Variants in MACF1 observed in about 807,000 individuals in gnomAD.
MACF1 encodes microtubule-actin cross-linking factor 1.
Under a neutral mutation model 854.8 loss-of-function variants are expected in MACF1, and 193 were observed. That is an observed-to-expected ratio of 0.23 (90% CI 0.20 to 0.25). The LOEUF (loss-of-function observed/expected upper bound fraction) is 0.25, where lower values mean the gene tolerates loss of function less well. Ranked by LOEUF, MACF1 falls within the 10% of genes least tolerant of loss-of-function variation. The pLI is 1.00. For missense variants in MACF1, 7,722 were observed against 8,929.1 expected, an observed-to-expected ratio of 0.86 and a Z score of 5.45; for synonymous variants, 3,185 against 3,226.7, an observed-to-expected ratio of 0.99 and a Z score of 0.44.
chr1:39,336,827 T>C (rs1168896848), intron 37 of MACF1, among the ~76,000 whole-genome samples, 174 bp downstream of exon 37: 1 of 152,174 alleles, frequency 6.6e-6, no homozygotes, highest in Non-Finnish European at 1.5e-5. Context: ...TGTAGCAAAG[T>C]TGTTGGAAAA....
intron 2 of MACF1, among the ~76,000 whole-genome samples, chr1:39,095,130 T>G (rs1641904614): frequency 6.6e-6 from 1 of 151,930 alleles, no homozygotes. Context: ...GCAAAAAGGG[T>G]ATGTCTAACA....
In MACF1 at chr1:39,225,365, C is replaced by T. The variant is rs568191097; in HGVS notation, c.110-5817C>T. 5.4e-3 allele frequency among the ~76,000 whole-genome samples: 807 copies of T among 150,688 alleles called. 12 individuals carry two copies. Among genetic ancestry groups the T allele is most frequent in the Non-Finnish European group, 5.5e-3 (369 of 67,660 alleles). On this transcript the variant is annotated intron_variant, in intron 1 of 100. Coordinates refer to ENST00000564288, the MANE Select transcript of MACF1 (RefSeq NM_001394062.1). The stretch of plus-strand genomic sequence containing the variant: ...CCGAGTAGCTGGGACTACAGGCGCC[C>T]GCCACCGCGCCCGGCTAATTTTTTG...
chr1:39,485,540 C>T lies in MACF1; in HGVS notation c.22414C>T (p.Pro7472Ser), dbSNP rs1169728080. The T allele has an allele frequency of 3.1e-6, 5 of 1,611,390 alleles. No homozygotes were observed. The highest frequency in any genetic ancestry group is 1.1e-5 in the South Asian group (1 of 90,980). The change falls in exon 101 of 101, where the codon CCT becomes TCT. Residue 7472 changes from proline (P) to serine (S), a missense_variant and splice_region_variant. Physicochemically the swap from Pro to Ser is moderately conservative, Grantham distance 74 (BLOSUM62 -1). Coordinates refer to ENST00000564288, the MANE Select transcript of MACF1 (RefSeq NM_001394062.1). ...GCTGTTTTATTCTTGAATTCCAGAC[C>T]CTAAAAAGTCTGCCAGTCGCCCTGG... ...STGAKTNRAD[P>S]KKSASRPGSR...
chr1:39,423,967 T>A lies in MACF1; in HGVS notation c.16150-61T>A, dbSNP rs1570021342. The A allele has an allele frequency of 2.8e-6, 4 of 1,414,614 alleles. No individual in the cohort carries two copies. In the East Asian group the frequency reaches 7.0e-5, roughly 25 times the overall value. The allele number at this position is 1,414,614 out of a possible 1,614,324, so 87.6% of individuals were successfully genotyped here. ...GTTGGTTTCTTTTGTTTTTTTTCTT[T>A]CTTCCTAGTTCAGATTTCAAAATGA... On this transcript the variant is annotated intron_variant, in intron 60 of 100. Coordinates refer to ENST00000564288, the MANE Select transcript of MACF1 (RefSeq NM_001394062.1).
rs763920848 is a variant in MACF1 at position 39,333,645 on chromosome 1, G to T, written c.7057G>T (p.Gly2353Cys). The T allele has an allele frequency of 6.2e-7, 1 of 1,614,144 alleles. No individual in the cohort carries two copies. The highest frequency in any genetic ancestry group is 8.5e-7 in the Non-Finnish European group (1 of 1,180,024). The change falls in exon 37 of 101, where the codon GGT becomes TGT. Residue 2353 changes from glycine (G) to cysteine (C), a missense_variant. This residue lies in a region of MACF1 where 1,531 missense variants were observed against 1,601.6 expected (regional missense o/e 0.96). Transcript: ENST00000564288. ...SLTTEEVINE[G>C]LMDEKLLHNV... ...GACAACTGAAGAAGTCATTAATGAA[G>T]GTCTGATGGATGAGAAATTATTACA...
intron 97 of MACF1, among the ~76,000 whole-genome samples, chr1:39,478,788 GA>G (rs1316534072): frequency 6.6e-6 from 1 of 152,156 alleles, no homozygotes; most frequent in African/African-American, 2.4e-5. Flanking sequence ...TTATAGAAAA[GA>G]ATGACAAATA....
chr1:39,181,748 C>A (rs1042778695), intron 2 of MACF1, among the ~76,000 whole-genome samples: 1 of 152,112 alleles, frequency 6.6e-6, no homozygotes, highest in African/African-American at 2.4e-5. Context: ...TAAAAATAAA[C>A]CCTTACATTT....
rs752856996 is a variant in MACF1 at position 39,442,485 on chromosome 1, C to T, written c.19022C>T (p.Thr6341Ile). 8.1e-6 allele frequency: 13 copies of T among 1,614,084 alleles called. No homozygotes were observed. The South Asian group carries it at 1.4e-4, about 18-fold the overall frequency. Residue 6341 changes from threonine (T) to isoleucine (I), a missense_variant, in exon 77 of 101, where the codon ACT (threonine) becomes ATT (isoleucine). Physicochemically the swap from Thr to Ile is moderately conservative, Grantham distance 89. This residue lies in a region of MACF1 where 2,807 missense variants were observed against 3,235.8 expected (regional missense o/e 0.87). Coordinates refer to ENST00000564288, the MANE Select transcript of MACF1 (RefSeq NM_001394062.1). Reference sequence around the variant, plus strand: ...TTAGAGGAACTAATGAGTTGGCTGACTCATACCGAAGAGTTGTTAGATGCT... The same window carrying T: ...TTAGAGGAACTAATGAGTTGGCTGATTCATACCGAAGAGTTGTTAGATGCT... ...HALEELMSWL[T>I]HTEELLDAQR...
chr1:39,323,020 TG>T lies in MACF1; in HGVS notation c.4236+15del, dbSNP rs1309820368. ...TGGAGGAGGAGGAGGTGAGGACAGT[TG>T]GGTCCAAAGTCATCTTGAAAGTACA... On this transcript the variant is annotated intron_variant, in intron 33 of 100. Coordinates refer to ENST00000564288, the MANE Select transcript of MACF1 (RefSeq NM_001394062.1). 1.9e-6 allele frequency: 3 copies of T among 1,612,730 alleles called. No individual in the cohort carries two copies. The Admixed American group carries it at 5.0e-5, about 27-fold the overall frequency.
rs1216298628 is a variant in MACF1 at position 39,336,580 on chromosome 1, A to C, written c.9992A>C (p.Gln3331Pro). 3 of 1,614,194 alleles carry C rather than the reference A, an allele frequency of 1.9e-6. No homozygotes were observed. In the Admixed American group the frequency reaches 5.0e-5, roughly 27 times the overall value. ...EKLRESPGSEQTPFMTAPEGK... is the reference protein window; with the variant it reads ...EKLRESPGSEPTPFMTAPEGK... ...CTCAGAGAAAGCCCTGGCAGTGAAC[A>C]AACTCCCTTCATGACTGCACCTGAA... Residue 3331 changes from glutamine (Q) to proline (P), a missense_variant, in exon 37 of 101, where the codon CAA becomes CCA. By Grantham distance (76) the Gln-to-Pro change is moderately conservative (BLOSUM62 -1). Around this residue, in one of 15 missense-constraint regions of MACF1, gnomAD observed 854 missense variants for 852.6 expected, o/e 1.00. Transcript: ENST00000564288.
intron 58 of MACF1, among the ~76,000 whole-genome samples, chr1:39,395,108 A>G (rs965266853): frequency 6.6e-6 from 1 of 151,382 alleles, no homozygotes; most frequent in Non-Finnish European, 1.5e-5. Context: ...TCACGCCACC[A>G]CCTCTGCCTG....
Position 39,337,225 on chromosome 1 carries a change from T to C in MACF1, c.10109T>C (p.Leu3370Pro). 1 of 1,614,050 alleles carries C rather than the reference T, an allele frequency of 6.2e-7. No individual in the cohort carries two copies. Among genetic ancestry groups the C allele is most frequent in the Non-Finnish European group, 8.5e-7 (1 of 1,179,974 alleles). Reference protein sequence around the residue: ...RQLCLEHDEKLVSYLSLLRNI... With the variant: ...RQLCLEHDEKPVSYLSLLRNI... ...CTCTGTTTAGAACATGATGAAAAGCTAGTATCCTATCTGTCTCTGTTACGG... is the reference window on the plus strand; with the variant it reads ...CTCTGTTTAGAACATGATGAAAAGCCAGTATCCTATCTGTCTCTGTTACGG... The change falls in exon 38 of 101, where the codon CTA becomes CCA. Residue 3370 changes from leucine to proline, a missense_variant. Leu to Pro is a moderately conservative substitution (Grantham distance 98, BLOSUM62 -3). Around this residue, in one of 15 missense-constraint regions of MACF1, gnomAD observed 854 missense variants for 852.6 expected, o/e 1.00. Coordinates refer to ENST00000564288, the MANE Select transcript of MACF1 (RefSeq NM_001394062.1).
chr1:39,374,449 A>C (rs1344545346), intron 52 of MACF1, among the ~76,000 whole-genome samples: 1 of 152,196 alleles, frequency 6.6e-6, no homozygotes, highest in Non-Finnish European at 1.5e-5. Flanking sequence ...ACTATCCACA[A>C]GTGACATTTC....
chr1:39,335,017 A>G lies in MACF1; in HGVS notation c.8429A>G (p.Glu2810Gly). The G allele has an allele frequency of 6.2e-7, 1 of 1,614,076 alleles. No homozygotes were observed. The highest frequency in any genetic ancestry group is 8.5e-7 in the Non-Finnish European group (1 of 1,179,970). ...GAAATGAGTTGTAATAAAGTAGAAG[A>G]GAGTGAGAGATTATTTCAAGTTGAA... Reference protein sequence around the residue: ...TAEMSCNKVEESERLFQVENQ... With the variant: ...TAEMSCNKVEGSERLFQVENQ... Residue 2810 changes from glutamate to glycine, a missense_variant, in exon 37 of 101, where the codon GAG becomes GGG. Physicochemically the swap from Glu to Gly is moderately conservative, Grantham distance 98 (BLOSUM62 -2). Coordinates refer to ENST00000564288, the MANE Select transcript of MACF1 (RefSeq NM_001394062.1).
Position 39,387,796 on chromosome 1 carries a change from C to G in MACF1, c.14954C>G (p.Ala4985Gly). ...GAGGATGGAATCCGGGATGAGAAGGCTGGGATCAACCAGAACATGGATGCT... is the reference window on the plus strand; with the variant it reads ...GAGGATGGAATCCGGGATGAGAAGGGTGGGATCAACCAGAACATGGATGCT... Reference protein sequence around the residue: ...ADEDGIRDEKAGINQNMDAVT... With the variant: ...ADEDGIRDEKGGINQNMDAVT... Residue 4985 changes from alanine to glycine, a missense_variant, in exon 58 of 101, where the codon GCT (alanine) becomes GGT (glycine). Around this residue, in one of 15 missense-constraint regions of MACF1, gnomAD observed 2,807 missense variants for 3,235.8 expected, o/e 0.87. Transcript: ENST00000564288. The G allele has an allele frequency of 6.2e-7, 1 of 1,614,122 alleles. No individual in the cohort carries two copies. The highest frequency in any genetic ancestry group is 8.5e-7 in the Non-Finnish European group (1 of 1,180,050).
At chr1:39,347,300 G>A in intron 41 of MACF1, 90 bp downstream of exon 41, 1 of 975,444 alleles carries the variant, frequency 1.0e-6, no homozygotes, top group Non-Finnish European at 1.6e-6. Flanking sequence ...TATCATGATT[G>A]CAGGAGCCTG....
Position 39,315,761 on chromosome 1 carries a change from G to A in MACF1, c.3449+70G>A, listed in dbSNP as rs112852811. ...GGGATAAGAAAGAGAAAGGCTTAAA[G>A]TATTTCATGAATAATACAGAGAGAT... On this transcript the variant is annotated intron_variant, in intron 27 of 100. Coordinates refer to ENST00000564288, the MANE Select transcript of MACF1 (RefSeq NM_001394062.1). 151 of 1,448,076 alleles carry A rather than the reference G, an allele frequency of 1.0e-4. No homozygotes were observed. The African/African-American group carries it at 1.4e-3, about 14-fold the overall frequency. The allele number at this position is 1,448,076 out of a possible 1,614,324, so 89.7% of individuals were successfully genotyped here.
intron 2 of MACF1, among the ~76,000 whole-genome samples, chr1:39,127,909 A>T (rs867753897): frequency 6.6e-6 from 1 of 152,242 alleles, no homozygotes; most frequent in South Asian, 2.1e-4. Flanking sequence ...ATGTTTATGT[A>T]ACTCTCTTTT....
intron 6 of MACF1, among the ~76,000 whole-genome samples, chr1:39,267,665 A>G (rs1645249916): frequency 6.6e-6 from 1 of 152,260 alleles, no homozygotes; most frequent in Admixed American, 6.5e-5. Flanking sequence ...TGCAAAAAAT[A>G]TATTAGATGT....
Sources: allele counts gnomAD v4.1 joint callset (sites outside exome capture counted in the v4.1 genomes callset), GRCh38; gene constraint gnomAD v4.1.1; regional missense constraint gnomAD v4.1.1; transcripts MANE v1.5; gene names NCBI Gene and HGNC (gene_info 2026-07-23, HGNC 2026-07-21).